Variants in PCDHGA4 observed in about 807,000 individuals in gnomAD.
The protein encoded by PCDHGA4 is protocadherin gamma-A4.
A neutral mutation model predicts 54.6 loss-of-function variants in PCDHGA4; 38 were observed. The ratio of observed to expected loss-of-function variants is 0.70; its 90% CI spans 0.54 to 0.91. The LOEUF (loss-of-function observed/expected upper bound fraction) is 0.91, where lower values mean the gene tolerates loss of function less well. Ranked by LOEUF, PCDHGA4 falls within the 40% of genes least tolerant of loss-of-function variation. The pLI is 0.00. For missense variants in PCDHGA4, 1,298 were observed against 1,220.9 expected (o/e 1.06, Z -0.94); for synonymous variants, 511 against 512.9 (o/e 1.00, Z 0.05).
Position 141,440,827 on chromosome 5 carries a change from A to G in PCDHGA4, c.2515-53980A>G, listed in dbSNP as rs570022849. 7 of 152,196 alleles carry G rather than the reference A, an allele frequency of 4.6e-5. 1 individual carries two copies. The highest frequency in any genetic ancestry group is 1.4e-4 in the African/African-American group (6 of 41,526). 9.4% of individuals were successfully genotyped at this position (152,196 alleles called of 1,614,324 possible). A position where few individuals can be genotyped will look rare whatever the true frequency, so the allele number is the denominator to read the frequency against. ...GCAGCATCACTCAACTCCTGATCCT[A>G]TTGGTTGAAGCCAATGACAACCCTG... On this transcript the variant is annotated intron_variant, in intron 1 of 3. Transcript: ENST00000571252.
Position 141,357,172 on chromosome 5 carries a change from G to A in PCDHGA4, c.2065G>A (p.Val689Ile). 6.2e-7 allele frequency: 1 copy of A among 1,613,706 alleles called. No homozygotes were observed. The highest frequency in any genetic ancestry group is 8.5e-7 in the Non-Finnish European group (1 of 1,179,864). ...TGGCCAGCCCCCTCTCTCGGCCACCGTCACACTCACTGTGGCTGTGGCCGA... is the reference window on the plus strand; with the variant it reads ...TGGCCAGCCCCCTCTCTCGGCCACCATCACACTCACTGTGGCTGTGGCCGA... ...DHGQPPLSAT[V>I]TLTVAVADSI... The change falls in exon 1 of 4, where the codon GTC becomes ATC. Residue 689 changes from valine (V) to isoleucine (I), a missense_variant. Coordinates refer to ENST00000571252, the MANE Select transcript of PCDHGA4 (RefSeq NM_018917.4).
chr5:141,371,872 C>A, intron 1 of PCDHGA4: 1 of 1,613,534 alleles, frequency 6.2e-7, no homozygotes, highest in Non-Finnish European at 8.5e-7. Context: ...TACATCGTGG[C>A]CAGTGACCTG....
intron 1 of PCDHGA4, chr5:141,403,283 G>A: frequency 6.2e-7 from 1 of 1,613,914 alleles, no homozygotes; most frequent in South Asian, 1.1e-5. Context: ...AGTCCTGGTT[G>A]AAGACAGAGT....
chr5:141,454,974 A>AT (rs2098808620), intron 1 of PCDHGA4, among the ~76,000 whole-genome samples: 1 of 151,182 alleles, frequency 6.6e-6, no homozygotes, highest in African/African-American at 2.4e-5. Context: ...CGCCTGGCTA[A>AT]TTTTTTAAAA....
Position 141,490,973 on chromosome 5 carries a change from G to A in PCDHGA4, c.2515-3834G>A, listed in dbSNP as rs774983500. 5.0e-6 allele frequency: 8 copies of A among 1,613,932 alleles called. No homozygotes were observed. The highest frequency in any genetic ancestry group is 2.2e-5 in the East Asian group (1 of 44,878). On this transcript the variant is annotated intron_variant, in intron 1 of 3. Transcript: ENST00000571252. The surrounding 1 kb of genome is among the most constrained non-coding windows in gnomAD (Gnocchi z 5.4). ...GACTGGGAACACTCAGCCCCCCAGC[G>A]TCTCCCTCGCTCTGCTCCTCCTGGC...
rs747481541 is a variant in PCDHGA4 at position 141,356,652 on chromosome 5, T to A, written c.1545T>A (p.Asn515Lys). Residue 515 changes from asparagine (N) to lysine (K), a missense_variant, in exon 1 of 4, where the codon AAT becomes AAA. By Grantham distance (94) the Asn-to-Lys change is moderately conservative. Transcript: ENST00000571252. ...MTAQDPDSGD[N>K]ARITYSLAED... ...CTCAAGACCCTGACAGTGGTGACAATGCCCGAATCACTTACTCCCTGGCCG... is the reference window on the plus strand; with the variant it reads ...CTCAAGACCCTGACAGTGGTGACAAAGCCCGAATCACTTACTCCCTGGCCG... 3.1e-6 allele frequency: 5 copies of A among 1,613,960 alleles called. No homozygotes were observed. The African/African-American group carries it at 5.3e-5, about 17-fold the overall frequency.
At position 141,431,035 on chromosome 5, in the gene PCDHGA4, G is replaced by C; in HGVS notation, c.2515-63772G>C. The C allele has an allele frequency of 6.2e-7, 1 of 1,614,186 alleles. No individual in the cohort carries two copies. Among genetic ancestry groups the C allele is most frequent in the South Asian group, 1.1e-5 (1 of 91,086 alleles). ...TGGTCACGGCGGGCAGGATAGACCG[G>C]GAGGAGCTCTGTATGGGGGCCATCA... On this transcript the variant is annotated intron_variant, in intron 1 of 3. Transcript: ENST00000571252. The surrounding 1 kb of genome is among the most constrained non-coding windows in gnomAD (Gnocchi z 4.8).
intron 2 of PCDHGA4, among the ~76,000 whole-genome samples, chr5:141,497,539 C>A (rs2099777336): frequency 6.9e-6 from 1 of 145,274 alleles, no homozygotes; most frequent in African/African-American, 2.6e-5. Context: ...ATGCAACAAA[C>A]CTTTTTTTTT....
Position 141,489,391 on chromosome 5 carries a change from G to C in PCDHGA4, c.2515-5416G>C. 6.2e-7 allele frequency: 1 copy of C among 1,614,174 alleles called. No individual in the cohort carries two copies. The highest frequency in any genetic ancestry group is 8.5e-7 in the Non-Finnish European group (1 of 1,180,022). ...GACGCTGGTGGGGAATGTTGCTCAG[G>C]ATCTGGGCTTAAAGATGACAGATCT... On this transcript the variant is annotated intron_variant, in intron 1 of 3. Transcript: ENST00000571252. This position sits in a 1 kb window ranked among gnomAD's most constrained non-coding sequence, Gnocchi z 4.5.
At chr5:141,438,985 A>G (rs1461265086) in intron 1 of PCDHGA4, among the ~76,000 whole-genome samples, 1 of 151,940 alleles carries the variant, frequency 6.6e-6, no homozygotes, top group Non-Finnish European at 1.5e-5. Context: ...ACTTATCTTA[A>G]AAGGCTAAGG....
chr5:141,469,036 G>T (rs1396748159), intron 1 of PCDHGA4, among the ~76,000 whole-genome samples: 2 of 152,076 alleles, frequency 1.3e-5, no homozygotes, highest in Non-Finnish European at 2.9e-5. Flanking sequence ...CAGCACTTTG[G>T]GAGGCCAAGG....
intron 1 of PCDHGA4, chr5:141,398,508 T>C: frequency 6.2e-7 from 1 of 1,601,476 alleles, no homozygotes; most frequent in Admixed American, 1.7e-5. Context: ...AGGACATTAA[T>C]GACCACACGC....
At chr5:141,414,894 A>T in intron 1 of PCDHGA4, 1 of 1,613,958 alleles carries the variant, frequency 6.2e-7, no homozygotes, top group South Asian at 1.1e-5. Flanking sequence ...CCCTCCCCAC[A>T]GACGGTTCCA....
Position 141,485,331 on chromosome 5 carries a change from T to C in PCDHGA4, c.2515-9476T>C, listed in dbSNP as rs1203054851. On this transcript the variant is annotated intron_variant, in intron 1 of 3. Transcript: ENST00000571252. This position sits in a 1 kb window ranked among gnomAD's most constrained non-coding sequence, Gnocchi z 5.7. Reference sequence around the variant, plus strand: ...GTAGGGAATGTCGCTCAAGATTTCCTGCTGGATACGGACAGTCTGTCAGCT... The same window carrying C: ...GTAGGGAATGTCGCTCAAGATTTCCCGCTGGATACGGACAGTCTGTCAGCT... 6.2e-7 allele frequency: 1 copy of C among 1,614,048 alleles called. No individual in the cohort carries two copies. Among genetic ancestry groups the C allele is most frequent in the African/African-American group, 1.3e-5 (1 of 74,902 alleles).
Position 141,493,404 on chromosome 5 carries a change from C to T in PCDHGA4, c.2515-1403C>T, listed in dbSNP as rs2099748048. Among the ~76,000 whole-genome samples, 1 of 152,148 alleles carries T rather than the reference C, an allele frequency of 6.6e-6. No individual in the cohort carries two copies. Among genetic ancestry groups the T allele is most frequent in the South Asian group, 2.1e-4 (1 of 4,826 alleles). ...CTTGAGGACAGGAGAGGGGAGTTGC[C>T]TCTGCTGGGATTTTGCTTCTGCTGG... On this transcript the variant is annotated intron_variant, in intron 1 of 3. Transcript: ENST00000571252. The surrounding 1 kb of genome is among the most constrained non-coding windows in gnomAD (Gnocchi z 4.3).
Position 141,415,114 on chromosome 5 carries a change from G to A in PCDHGA4, c.2514+57493G>A, listed in dbSNP as rs186848544. On this transcript the variant is annotated intron_variant, in intron 1 of 3. Transcript: ENST00000571252. Reference sequence around the variant, plus strand: ...CAGAGACGCGCTCAAGCAAAGCCTCGTAGTGGCCGTCCAGGACCACGGCCA... The same window carrying A: ...CAGAGACGCGCTCAAGCAAAGCCTCATAGTGGCCGTCCAGGACCACGGCCA... 1.7e-5 allele frequency: 28 copies of A among 1,613,646 alleles called. No homozygotes were observed. In the African/African-American group the frequency reaches 2.7e-4, roughly 15 times the overall value.
In PCDHGA4 at chr5:141,431,538, AGCTGCTTGTAGTCAAC is replaced by A; in HGVS notation, c.2515-63265_2515-63250del. 2 of 1,614,114 alleles carry A rather than the reference AGCTGCTTGTAGTCAAC, an allele frequency of 1.2e-6. No homozygotes were observed. Among genetic ancestry groups the A allele is most frequent in the Non-Finnish European group, 1.7e-6 (2 of 1,180,024 alleles). ...CCGGAGAATCTGGCCTTGGGCACGC[AGCTGCTTGTAGTCAAC>A]GCTACCGACCCTGACGAAGGAGTCA... On this transcript the variant is annotated intron_variant, in intron 1 of 3. Coordinates refer to ENST00000571252, the MANE Select transcript of PCDHGA4 (RefSeq NM_018917.4). This position sits in a 1 kb window ranked among gnomAD's most constrained non-coding sequence, Gnocchi z 4.8.
chr5:141,453,052 G>A (rs1299518260), intron 1 of PCDHGA4, among the ~76,000 whole-genome samples: 2 of 152,062 alleles, frequency 1.3e-5, no homozygotes, highest in East Asian at 3.9e-4. Flanking sequence ...ATTATGTGCA[G>A]TTTTAGAGTT....
intron 1 of PCDHGA4, chr5:141,420,199 C>G (rs764130526): frequency 6.2e-7 from 1 of 1,613,362 alleles, no homozygotes; most frequent in Non-Finnish European, 8.5e-7. Flanking sequence ...CACAAGATAA[C>G]CTCAACAAAG....
Sources: gnomAD v4.1 joint callset for allele counts (sites outside exome capture counted in the v4.1 genomes callset) on GRCh38, gnomAD v4.1.1 for gene constraint, Gnocchi (gnomAD v3.1) non-coding constraint, MANE v1.5 for transcripts, NCBI Gene and HGNC (gene_info 2026-07-23, HGNC 2026-07-21) for gene names.